The following AMPD1 variants were observed in gnomAD, a reference collection of about 807,000 sequenced individuals.
The protein encoded by AMPD1 is adenosine monophosphate deaminase 1.
AMPD1 carries 74 observed loss-of-function variants against 82.9 expected under a neutral mutation model. The observed-to-expected ratio is 0.89, with a 90% CI of 0.74 to 1.08. AMPD1 has a LOEUF of 1.08. AMPD1 is among the 50% of genes least tolerant of loss of function. AMPD1 has a pLI of 0.00. For synonymous variants in AMPD1, 333 were observed against 320.5 expected, an observed-to-expected ratio of 1.04 and a Z score of -0.42; for missense variants, 881 against 924.5, an observed-to-expected ratio of 0.95 and a Z score of 0.61.
chr1:114,677,284 C>T, intron 10 of AMPD1, 67 bp downstream of exon 10: 1 of 1,586,630 alleles, frequency 6.3e-7, no homozygotes, highest in African/African-American at 1.4e-5. Context: ...GTTCCTTGTT[C>T]ATACAGGGGA....
At chr1:114,678,597 T>A in intron 7 of AMPD1, 70 bp from the exon 8 acceptor site, 1 of 1,413,620 alleles carries the variant, frequency 7.1e-7, no homozygotes, top group South Asian at 1.2e-5. Context: ...TTAGAGGATA[T>A]GGTGCTGCAA....
chr1:114,686,218 A>C (rs1417657821), intron 4 of AMPD1, among the ~76,000 whole-genome samples: 1 of 151,966 alleles, frequency 6.6e-6, no homozygotes, highest in Non-Finnish European at 1.5e-5. Context: ...CCTCGTTAGG[A>C]TTTTCTAACC....
At chr1:114,691,308 C>A (rs1658508030) in intron 2 of AMPD1, among the ~76,000 whole-genome samples, 5 of 152,064 alleles carry the variant, frequency 3.3e-5, no homozygotes, top group Admixed American at 3.3e-4. Context: ...AATCCCAGCA[C>A]TTTGAGAGGC....
intron 1 of AMPD1, among the ~76,000 whole-genome samples, chr1:114,694,681 A>C (rs1658627051): frequency 6.6e-6 from 1 of 151,876 alleles, no homozygotes; most frequent in South Asian, 2.1e-4. Context: ...CTGTCTCTAC[A>C]GAAAATACAA....
chr1:114,684,369 C>CA lies in AMPD1; in HGVS notation c.382-6dup, dbSNP rs727503806. The CA allele has an allele frequency of 0.04, 38,301 of 961,800 alleles. No individual in the cohort carries two copies. The highest frequency in any genetic ancestry group is 0.042 in the Non-Finnish European group (28,996 of 682,646). 59.6% of individuals were successfully genotyped at this position (961,800 alleles called of 1,614,324 possible). A position where few individuals can be genotyped will look rare whatever the true frequency, so the allele number is the denominator to read the frequency against. ...TTCAAAATCTTCAACTGTAACCTGC[C>CA]AAAAAAAAAAAAGTCAGCATATCAG... On this transcript the variant is annotated splice_region_variant and splice_polypyrimidine_tract_variant and intron_variant, in intron 4 of 15. Coordinates refer to ENST00000520113, the MANE Select transcript of AMPD1 (RefSeq NM_000036.3).
rs760410776 is a variant in AMPD1 at position 114,674,843 on chromosome 1, C to T, written c.1709G>A (p.Arg570Gln). ...KERGMNTFLF[R>Q]PHCGEAGALT... ...GGCTCCAGCTTCTCCACAGTGAGGT[C>T]GGAACAGAAACGTATTCATGCCTCG... Residue 570 changes from arginine to glutamine, a missense_variant, in exon 13 of 16, where the codon CGA becomes CAA. Transcript: ENST00000520113. 3.7e-6 allele frequency: 6 copies of T among 1,613,850 alleles called. No homozygotes were observed. Among genetic ancestry groups the T allele is most frequent in the South Asian group, 1.1e-5 (1 of 91,074 alleles).
At chr1:114,693,195 T>G (rs1394861554) in intron 2 of AMPD1, among the ~76,000 whole-genome samples, 2 of 148,752 alleles carry the variant, frequency 1.3e-5, no homozygotes, top group Non-Finnish European at 3.0e-5. Context: ...GGTTTTCTTT[T>G]AAAAAATTAT....
chr1:114,678,617 C>T (rs913960213), intron 7 of AMPD1, 90 bp from the exon 8 acceptor site: 22 of 1,199,936 alleles, frequency 1.8e-5, no homozygotes, highest in Middle Eastern at 2.3e-4. Context: ...AATCCCACTG[C>T]GTTGGGACAA....
At chr1:114,695,357 T>G in intron 1 of AMPD1, 93 bp downstream of exon 1, 1 of 1,541,844 alleles carries the variant, frequency 6.5e-7, no homozygotes. Flanking sequence ...AAATGAATGA[T>G]CAAAGCTGAT....
intron 2 of AMPD1, among the ~76,000 whole-genome samples, chr1:114,689,313 G>A (rs948192336): frequency 1.2e-4 from 19 of 152,024 alleles, no homozygotes; most frequent in African/African-American, 4.1e-4. Flanking sequence ...AGACAACTTG[G>A]TGATATGCTG....
intron 3 of AMPD1, 145 bp from the exon 4 acceptor site, chr1:114,687,055 G>T: frequency 2.4e-6 from 2 of 833,852 alleles, no homozygotes; most frequent in Non-Finnish European, 3.9e-6. Flanking sequence ...CAGGATCCAA[G>T]CATAGTGGGA....
chr1:114,695,326 G>C, intron 1 of AMPD1, 124 bp downstream of exon 1: 1 of 1,405,782 alleles, frequency 7.1e-7, no homozygotes, highest in East Asian at 2.3e-5. Flanking sequence ...TGAAATGTAT[G>C]TTAAAGCTAT....
At chr1:114,674,385 C>T (rs528794199) in intron 13 of AMPD1, among the ~76,000 whole-genome samples, 25 of 152,034 alleles carry the variant, frequency 1.6e-4, no homozygotes, top group Admixed American at 8.5e-4. Context: ...ATTATTTTTT[C>T]TCTCTCTCTC....
intron 10 of AMPD1, among the ~76,000 whole-genome samples, chr1:114,676,760 G>C (rs1234308157): frequency 2.0e-5 from 3 of 152,108 alleles, no homozygotes; most frequent in Non-Finnish European, 4.4e-5. Flanking sequence ...CACAAAGACA[G>C]GTAGCCAGAA....
intron 4 of AMPD1, among the ~76,000 whole-genome samples, chr1:114,684,768 C>T (rs1286819243): frequency 6.6e-6 from 1 of 152,178 alleles, no homozygotes; most frequent in Non-Finnish European, 1.5e-5. Context: ...GACCATGTGA[C>T]TCAAATTGTG....
chr1:114,684,117 A>C, intron 5 of AMPD1, 82 bp downstream of exon 5: 1 of 1,412,524 alleles, frequency 7.1e-7, no homozygotes, highest in Non-Finnish European at 9.8e-7. Flanking sequence ...TGGATTACTT[A>C]TAATCTAGAG....
intron 4 of AMPD1, among the ~76,000 whole-genome samples, chr1:114,684,928 A>G (rs1366781898): frequency 6.6e-6 from 1 of 152,196 alleles, no homozygotes; most frequent in East Asian, 1.9e-4. Context: ...TTTAAAGAGA[A>G]TTTTATTTCT....
chr1:114,678,551 A>T (rs969966808), intron 7 of AMPD1, 24 bp from the exon 8 acceptor site: 6 of 1,597,170 alleles, frequency 3.8e-6, no homozygotes, highest in Non-Finnish European at 5.1e-6. Context: ...CAAAGAAAGA[A>T]AAAAACATCA....
In AMPD1 at chr1:114,674,886, A is replaced by C. The variant is rs747962994; in HGVS notation, c.1680-14T>G. 6.2e-7 allele frequency: 1 copy of C among 1,614,104 alleles called. No individual in the cohort carries two copies. The highest frequency in any genetic ancestry group is 8.5e-7 in the Non-Finnish European group (1 of 1,179,976). ...ATGCCTCGTTCCCTGGGGAAATAGA[A>C]CTGCTATTGGAATCGCAGGTTCTGG... On this transcript the variant is annotated splice_polypyrimidine_tract_variant and intron_variant, in intron 12 of 15. Transcript: ENST00000520113.
Sources: gnomAD v4.1 joint callset for allele counts (sites outside exome capture counted in the v4.1 genomes callset) on GRCh38, gnomAD v4.1.1 for gene constraint, MANE v1.5 for transcripts, NCBI Gene and HGNC (gene_info 2026-07-23, HGNC 2026-07-21) for gene names.